The following CIAO2B variants were observed in gnomAD, a reference collection of about 807,000 sequenced individuals.
CIAO2B encodes MSS19-interacting protein of 18 kDa.
In CIAO2B, 20 loss-of-function variants were observed where a neutral mutation model predicts 16.4. That is an observed-to-expected ratio of 1.22 (90% confidence interval 0.86 to 1.77). CIAO2B has a LOEUF of 1.77. Among genes scored for constraint, CIAO2B ranks in the 40% most tolerant of loss-of-function variants. The probability of loss-of-function intolerance (pLI) is 0.00; values close to 1 mark genes in which losing one functional copy is unlikely to be tolerated. For missense variants in CIAO2B, 215 were observed against 222.4 expected (o/e 0.97, Z 0.21); for synonymous variants, 106 against 90.4 (o/e 1.17, Z -0.98).
At chr16:66,933,437 G>A (rs1963102578) in intron 3 of CIAO2B, 177 bp downstream of exon 3, 2 of 869,658 alleles carry the variant, frequency 2.3e-6, no homozygotes, top group Admixed American at 5.8e-5. Flanking sequence ...TTCCAGCTCA[G>A]ATCTTTATTC....
chr16:66,934,068 T>C lies in CIAO2B; in HGVS notation c.143-2A>G. Reference sequence around the variant, plus strand: ...GGTCATTGATGGAGCGAATCAGATGTGGGAAGTGAAGGAAAAGGGACTCTG... The same window carrying C: ...GGTCATTGATGGAGCGAATCAGATGCGGGAAGTGAAGGAAAAGGGACTCTG... On this transcript the variant is annotated splice_acceptor_variant, in intron 1 of 4. Coordinates refer to ENST00000422424, the MANE Select transcript of CIAO2B (RefSeq NM_016062.4). LOFTEE classifies it high-confidence loss of function. The surrounding 1 kb of genome is among the most constrained non-coding windows in gnomAD (Gnocchi z 4.1). 6.2e-7 allele frequency: 1 copy of C among 1,613,552 alleles called. No individual in the cohort carries two copies. Among genetic ancestry groups the C allele is most frequent in the Non-Finnish European group, 8.5e-7 (1 of 1,179,806 alleles).
intron 3 of CIAO2B, 71 bp from the exon 4 acceptor site, chr16:66,932,896 C>T (rs3890213): frequency 0.056 from 85,992 of 1,532,566 alleles, 3,222 homozygotes; most frequent in East Asian, 0.18. Context: ...CCCCCAGACC[C>T]TCAGGCACCA....
intron 3 of CIAO2B, among the ~76,000 whole-genome samples, chr16:66,933,203 G>A (rs1307291665): frequency 6.6e-6 from 1 of 152,092 alleles, no homozygotes; most frequent in African/African-American, 2.4e-5. Flanking sequence ...TGGCCAGGCT[G>A]GTCTCCAACT....
rs747220172 is a variant in CIAO2B at position 66,934,355 on chromosome 16, C to G, written c.10G>C (p.Gly4Arg). The G allele has an allele frequency of 6.4e-7, 1 of 1,559,324 alleles. No individual in the cohort carries two copies. Among genetic ancestry groups the G allele is most frequent in the Non-Finnish European group, 8.6e-7 (1 of 1,159,462 alleles). MVGGGGVGGGLLEN... is the reference protein window; with the variant it reads MVGRGGVGGGLLEN... ...AGGAGGCCGCCGCCGACCCCGCCGC[C>G]GCCTACCATCGCGGAACCACCACCG... Residue 4 changes from glycine (G) to arginine (R), a missense_variant, in exon 1 of 5, where the codon GGC (glycine) becomes CGC (arginine). Gly to Arg is a moderately radical substitution (Grantham distance 125, BLOSUM62 -2). Transcript: ENST00000422424. The surrounding 1 kb of genome is among the most constrained non-coding windows in gnomAD (Gnocchi z 4.1).
At chr16:66,933,249 A>G (rs987628502) in intron 3 of CIAO2B, among the ~76,000 whole-genome samples, 2 of 152,102 alleles carry the variant, frequency 1.3e-5, no homozygotes, top group African/African-American at 4.8e-5. Flanking sequence ...TCAGCCTCCC[A>G]AAGTGCTGGG....
intron 4 of CIAO2B, 124 bp downstream of exon 4, chr16:66,932,655 TC>T (rs2145490779): frequency 8.6e-7 from 1 of 1,164,516 alleles, no homozygotes; most frequent in Admixed American, 2.0e-5. Context: ...CTGAGGAGTC[TC>T]TGGCAATTTC....
chr16:66,934,358 C>T lies in CIAO2B; in HGVS notation c.7G>A (p.Gly3Ser). 1 of 1,559,750 alleles carries T rather than the reference C, an allele frequency of 6.4e-7. No individual in the cohort carries two copies. Among genetic ancestry groups the T allele is most frequent in the Non-Finnish European group, 8.6e-7 (1 of 1,159,636 alleles). The change falls in exon 1 of 5, where the codon GGC (glycine) becomes AGC (serine). Residue 3 changes from glycine to serine, a missense_variant. By Grantham distance (56) the Gly-to-Ser change is moderately conservative. Coordinates refer to ENST00000422424, the MANE Select transcript of CIAO2B (RefSeq NM_016062.4). This position sits in a 1 kb window ranked among gnomAD's most constrained non-coding sequence, Gnocchi z 4.1. Reference protein sequence around the residue: MVGGGGVGGGLLE... With the variant: MVSGGGVGGGLLE... ...AGGCCGCCGCCGACCCCGCCGCCGC[C>T]TACCATCGCGGAACCACCACCGCTG...
intron 3 of CIAO2B, 117 bp downstream of exon 3, chr16:66,933,497 G>C (rs1963104217): frequency 1.3e-5 from 17 of 1,340,690 alleles, no homozygotes; most frequent in Non-Finnish European, 1.5e-5. Context: ...TCTGCTAATG[G>C]GGATCCTTCC....
chr16:66,934,324 T>G lies in CIAO2B; in HGVS notation c.41A>C (p.Asn14Thr). 1 of 1,599,494 alleles carries G rather than the reference T, an allele frequency of 6.3e-7. No individual in the cohort carries two copies. Among genetic ancestry groups the G allele is most frequent in the Non-Finnish European group, 8.5e-7 (1 of 1,177,044 alleles). ...GGGVGGGLLENANPLIYQRSG... is the reference protein window; with the variant it reads ...GGGVGGGLLETANPLIYQRSG... ...GCGCTGGTAGATGAGGGGGTTGGCA[T>G]TCTCCAGGAGGCCGCCGCCGACCCC... The change falls in exon 1 of 5, where the codon AAT (asparagine) becomes ACT (threonine). Residue 14 changes from asparagine (N) to threonine (T), a missense_variant. Asn to Thr is a moderately conservative substitution (Grantham distance 65, BLOSUM62 0). Coordinates refer to ENST00000422424, the MANE Select transcript of CIAO2B (RefSeq NM_016062.4). The surrounding 1 kb of genome is among the most constrained non-coding windows in gnomAD (Gnocchi z 4.1).
intron 3 of CIAO2B, 145 bp downstream of exon 3, chr16:66,933,469 C>G (rs1483130909): frequency 5.5e-6 from 6 of 1,094,304 alleles, no homozygotes; most frequent in Non-Finnish European, 1.3e-6. Context: ...ACTTGGAAAG[C>G]TTCCTCCCAG....
intron 3 of CIAO2B, 135 bp downstream of exon 3, chr16:66,933,479 G>T: frequency 8.4e-7 from 1 of 1,195,632 alleles, no homozygotes. Flanking sequence ...CTTCCTCCCA[G>T]TTTCCTCTCT....
In CIAO2B at chr16:66,933,664, C is replaced by T; in HGVS notation, c.298G>A (p.Gly100Ser). 2 of 1,606,650 alleles carry T rather than the reference C, an allele frequency of 1.2e-6. No homozygotes were observed. Among genetic ancestry groups the T allele is most frequent in the Non-Finnish European group, 1.7e-6 (2 of 1,176,564 alleles). Residue 100 changes from glycine to serine, a missense_variant, in exon 3 of 5, where the codon GGT becomes AGT. Physicochemically the swap from Gly to Ser is moderately conservative, Grantham distance 56. Coordinates refer to ENST00000422424, the MANE Select transcript of CIAO2B (RefSeq NM_016062.4). ...AGAAGCTTGACCTTGATGGACAGAC[C>T]AATAAGGGTGGCCATGCTGCAGTGC... ...IPHCSMATLI[G>S]LSIKVKLLRS...
In CIAO2B at chr16:66,934,374, A is replaced by ACC; in HGVS notation, c.-12_-11dup. The ACC allele has an allele frequency of 1.3e-6, 2 of 1,539,040 alleles. No individual in the cohort carries two copies. The highest frequency in any genetic ancestry group is 1.7e-6 in the Non-Finnish European group (2 of 1,149,070). On this transcript the variant is annotated 5_prime_UTR_variant, in exon 1 of 5. Coordinates refer to ENST00000422424, the MANE Select transcript of CIAO2B (RefSeq NM_016062.4). This position sits in a 1 kb window ranked among gnomAD's most constrained non-coding sequence, Gnocchi z 4.1. ...CGCCGCCGCCTACCATCGCGGAACCACCACCGCTGATCCTAGCAGGCGTGC... is the reference window on the plus strand; with the variant it reads ...CGCCGCCGCCTACCATCGCGGAACCACCCCACCGCTGATCCTAGCAGGCGTGC...
rs1350193534 is a variant in CIAO2B at position 66,934,386 on chromosome 16, C to A, written c.-22G>T. 2 of 1,516,006 alleles carry A rather than the reference C, an allele frequency of 1.3e-6. No homozygotes were observed. The highest frequency in any genetic ancestry group is 1.8e-6 in the Non-Finnish European group (2 of 1,137,738). The allele number at this position is 1,516,006 out of a possible 1,614,324, so 93.9% of individuals were successfully genotyped here. A position where few individuals can be genotyped will look rare whatever the true frequency, so the allele number is the denominator to read the frequency against. The stretch of plus-strand genomic sequence containing the variant: ...CCATCGCGGAACCACCACCGCTGAT[C>A]CTAGCAGGCGTGCGCTTCCGCTCCA... On this transcript the variant is annotated 5_prime_UTR_variant, in exon 1 of 5. Transcript: ENST00000422424. This position sits in a 1 kb window ranked among gnomAD's most constrained non-coding sequence, Gnocchi z 4.1.
chr16:66,932,685 C>T (rs1209929831), intron 4 of CIAO2B, 95 bp downstream of exon 4: 1 of 1,413,290 alleles, frequency 7.1e-7, no homozygotes, highest in Non-Finnish European at 9.8e-7. Flanking sequence ...AGTTACCCAT[C>T]TCCAGTCTTG....
chr16:66,934,382 T>C lies in CIAO2B; in HGVS notation c.-18A>G, dbSNP rs773505111. On this transcript the variant is annotated 5_prime_UTR_variant, in exon 1 of 5. Transcript: ENST00000422424. The surrounding 1 kb of genome is among the most constrained non-coding windows in gnomAD (Gnocchi z 4.1). ...CCTACCATCGCGGAACCACCACCGC[T>C]GATCCTAGCAGGCGTGCGCTTCCGC... 21 of 1,524,290 alleles carry C rather than the reference T, an allele frequency of 1.4e-5. No homozygotes were observed. In the East Asian group the frequency reaches 3.4e-4, roughly 24 times the overall value. The allele number at this position is 1,524,290 out of a possible 1,614,324, so 94.4% of individuals were successfully genotyped here. A position where few individuals can be genotyped will look rare whatever the true frequency, so the allele number is the denominator to read the frequency against.
At chr16:66,933,579 C>G (rs554222442) in intron 3 of CIAO2B, 35 bp downstream of exon 3, 1 of 1,603,208 alleles carries the variant, frequency 6.2e-7, no homozygotes, top group Admixed American at 1.7e-5. Context: ...ACCCTCAATG[C>G]CTGGTCTCAC....
chr16:66,932,944 C>T, intron 3 of CIAO2B, 119 bp from the exon 4 acceptor site: 2 of 1,106,490 alleles, frequency 1.8e-6, no homozygotes. Context: ...TGCCTTTGGA[C>T]TCTGGCCCTT....
rs762076560 is a variant in CIAO2B, at chr16:66,934,300, C to T, written c.65G>A (p.Arg22His). ...LENANPLIYQ[R>H]SGERPVTAGE... ...TGCCGTCACAGGCCGCTCCCCAGAG[C>T]GCTGGTAGATGAGGGGGTTGGCATT... The change falls in exon 1 of 5, where the codon CGC (arginine) becomes CAC (histidine). Residue 22 changes from arginine (R) to histidine (H), a missense_variant. Physicochemically the swap from Arg to His is conservative, Grantham distance 29 (BLOSUM62 0). Transcript: ENST00000422424. This position sits in a 1 kb window ranked among gnomAD's most constrained non-coding sequence, Gnocchi z 4.1. The T allele has an allele frequency of 8.1e-6, 13 of 1,607,202 alleles. No homozygotes were observed. The highest frequency in any genetic ancestry group is 2.2e-5 in the South Asian group (2 of 90,832).
Sources: gnomAD v4.1 joint callset for allele counts (sites outside exome capture counted in the v4.1 genomes callset) on GRCh38, gnomAD v4.1.1 for gene constraint, Gnocchi (gnomAD v3.1) non-coding constraint, MANE v1.5 for transcripts, NCBI Gene and HGNC (gene_info 2026-07-23, HGNC 2026-07-21) for gene names.